Variants in PDGFC observed in about 807,000 individuals in gnomAD.
PDGFC encodes platelet derived growth factor C.
Under a neutral mutation model 35.5 loss-of-function variants are expected in PDGFC, and 12 were observed. That is an observed-to-expected ratio of 0.34 (90% CI 0.22 to 0.55). The LOEUF (loss-of-function observed/expected upper bound fraction) is 0.55. Among genes scored for constraint, PDGFC ranks in the 20% least tolerant of loss-of-function variants. The pLI is 0.91. For missense variants in PDGFC, 322 were observed against 412.4 expected (o/e 0.78, Z 1.90); for synonymous variants, 159 against 148.8 (o/e 1.07, Z -0.50).
intron 1 of PDGFC, among the ~76,000 whole-genome samples, chr4:156,958,194 A>G (rs1305512770): frequency 6.6e-6 from 1 of 151,834 alleles, no homozygotes; most frequent in African/African-American, 2.4e-5. Flanking sequence ...TGCATTTTCC[A>G]CAATGCCTCA....
At chr4:156,772,379 G>C (rs1003600947) in intron 4 of PDGFC, among the ~76,000 whole-genome samples, 2 of 152,102 alleles carry the variant, frequency 1.3e-5, no homozygotes, top group African/African-American at 4.8e-5. Context: ...TTAGGTTTGA[G>C]TAAGCAGTGA....
At chr4:156,961,276 T>G (rs1418322770) in intron 1 of PDGFC, among the ~76,000 whole-genome samples, 3 of 152,118 alleles carry the variant, frequency 2.0e-5, no homozygotes, top group African/African-American at 7.2e-5. Context: ...ACAGATGTCC[T>G]TATAAATACG....
At chr4:156,788,803 T>A (rs973514676) in intron 3 of PDGFC, among the ~76,000 whole-genome samples, 57 of 152,224 alleles carry the variant, frequency 3.7e-4, no homozygotes, top group Admixed American at 3.2e-3. Flanking sequence ...TTGCTAAATG[T>A]CTTCCTTATT....
intron 3 of PDGFC, 77 bp downstream of exon 3, chr4:156,810,760 C>G: frequency 1.1e-6 from 1 of 906,032 alleles, no homozygotes; most frequent in Non-Finnish European, 1.7e-6. Flanking sequence ...TTCTGATTCT[C>G]ATGTGTAAGA....
At chr4:156,915,324 T>C (rs544011776) in intron 1 of PDGFC, among the ~76,000 whole-genome samples, 32 of 152,252 alleles carry the variant, frequency 2.1e-4, no homozygotes, top group African/African-American at 7.5e-4. Flanking sequence ...TCTAAGGTGG[T>C]CATCAGTTTC....
intron 2 of PDGFC, among the ~76,000 whole-genome samples, chr4:156,822,873 G>T (rs999671758): frequency 6.6e-6 from 1 of 151,984 alleles, no homozygotes; most frequent in Non-Finnish European, 1.5e-5. Context: ...AGGTTCAAGC[G>T]ATTCTCCTGC....
At chr4:156,960,520 T>C (rs1400621245) in intron 1 of PDGFC, among the ~76,000 whole-genome samples, 4 of 151,240 alleles carry the variant, frequency 2.6e-5, no homozygotes, top group Non-Finnish European at 5.9e-5. Flanking sequence ...GCTCCAGAAA[T>C]AGTGAACTTT....
intron 1 of PDGFC, among the ~76,000 whole-genome samples, chr4:156,887,493 T>G (rs1173494574): frequency 6.6e-6 from 1 of 152,156 alleles, no homozygotes; most frequent in Non-Finnish European, 1.5e-5. Flanking sequence ...AGTAATTGTT[T>G]AAGTGACAAT....
chr4:156,813,525 G>A (rs1731997885), intron 2 of PDGFC, among the ~76,000 whole-genome samples: 2 of 152,016 alleles, frequency 1.3e-5, no homozygotes, highest in South Asian at 4.1e-4. Context: ...TGACTGACAA[G>A]GGGTGAAAGG....
At chr4:156,835,374 C>A (rs138083634) in intron 2 of PDGFC, among the ~76,000 whole-genome samples, 3 of 151,994 alleles carry the variant, frequency 2.0e-5, no homozygotes, top group Non-Finnish European at 4.4e-5. Flanking sequence ...AATTTTAATC[C>A]GAAGGATCAT....
At chr4:156,839,062 G>A (rs1048182191) in intron 2 of PDGFC, among the ~76,000 whole-genome samples, 3 of 152,192 alleles carry the variant, frequency 2.0e-5, no homozygotes, top group Admixed American at 6.5e-5. Flanking sequence ...TGTATTAAGC[G>A]ACTGAGCTAA....
chr4:156,804,819 T>C (rs888914010), intron 3 of PDGFC, among the ~76,000 whole-genome samples: 3 of 152,144 alleles, frequency 2.0e-5, no homozygotes, highest in South Asian at 2.1e-4. Flanking sequence ...AGTTGTGAGG[T>C]TGCCATTTTA....
intron 1 of PDGFC, among the ~76,000 whole-genome samples, chr4:156,953,753 A>G (rs1732140533): frequency 6.6e-6 from 1 of 151,982 alleles, no homozygotes; most frequent in African/African-American, 2.4e-5. Flanking sequence ...ATAAGACGTA[A>G]GATACGAACA....
chr4:156,833,921 T>A (rs1283024924), intron 2 of PDGFC, among the ~76,000 whole-genome samples: 1 of 152,198 alleles, frequency 6.6e-6, no homozygotes, highest in African/African-American at 2.4e-5. Flanking sequence ...TATTGTAGCA[T>A]TTATTACATA....
chr4:156,961,971 G>A (rs1459600588), intron 1 of PDGFC, among the ~76,000 whole-genome samples: 2 of 152,112 alleles, frequency 1.3e-5, no homozygotes, highest in Admixed American at 1.3e-4. Flanking sequence ...AAACATGCCT[G>A]ATGACTGAAA....
intron 1 of PDGFC, among the ~76,000 whole-genome samples, chr4:156,870,699 T>G (rs1729960852): frequency 6.6e-6 from 1 of 152,142 alleles, no homozygotes; most frequent in South Asian, 2.1e-4. Flanking sequence ...CCTAAGCCGT[T>G]GATGTATAAA....
rs757216782 is a variant in PDGFC at position 156,850,259 on chromosome 4, T to G, written c.276A>C (p.Glu92Asp). 1.3e-6 allele frequency: 2 copies of G among 1,599,032 alleles called. No individual in the cohort carries two copies. Among genetic ancestry groups the G allele is most frequent in the South Asian group, 2.3e-5 (2 of 88,314 alleles). ...CTTCTGGGTCTTCAAGCCCAAATCTTTCATCAAACGTAAGTTGTATCCATA... is the reference window on the plus strand; with the variant it reads ...CTTCTGGGTCTTCAAGCCCAAATCTGTCATCAAACGTAAGTTGTATCCATA... ...ENVWIQLTFD[E>D]RFGLEDPEDD... is the part of the protein sequence containing the mutation. Residue 92 changes from glutamate to aspartate, a missense_variant, in exon 2 of 6, where the codon GAA (glutamate) becomes GAC (aspartate). By Grantham distance (45) the Glu-to-Asp change is conservative (BLOSUM62 2). Coordinates refer to ENST00000502773, the MANE Select transcript of PDGFC (RefSeq NM_016205.3).
rs78716324 is a variant in PDGFC at position 156,820,300 on chromosome 4, C to T, written c.315-9283G>A. ...CTGTGGGTAAAAGGCTAGCAAATAG[C>T]ACTTAATGCTACAGAGAAATATTTC... is the stretch of plus-strand genomic sequence containing the variant. On this transcript the variant is annotated intron_variant, in intron 2 of 5. Coordinates refer to ENST00000502773, the MANE Select transcript of PDGFC (RefSeq NM_016205.3). Among the ~76,000 whole-genome samples the T allele has an allele frequency of 6.9e-3, 1,052 of 152,286 alleles. 16 individuals carry two copies. Among genetic ancestry groups the T allele is most frequent in the African/African-American group, 0.024 (1,014 of 41,554 alleles).
intron 3 of PDGFC, among the ~76,000 whole-genome samples, chr4:156,810,464 A>C (rs1005596365): frequency 6.6e-6 from 1 of 152,006 alleles, no homozygotes; most frequent in African/African-American, 2.4e-5. Flanking sequence ...AAATGAATAA[A>C]TTGTCATTTT....
Sources: allele counts gnomAD v4.1 joint callset (sites outside exome capture counted in the v4.1 genomes callset), GRCh38; gene constraint gnomAD v4.1.1; transcripts MANE v1.5; gene names NCBI Gene and HGNC (gene_info 2026-07-23, HGNC 2026-07-21).